Variants in BUB1 observed in about 807,000 individuals in gnomAD.
BUB1 encodes the protein mitotic checkpoint serine/threonine-protein kinase BUB1.
BUB1 carries 84 observed loss-of-function variants against 135.2 expected under a neutral mutation model. That is an observed-to-expected ratio of 0.62 (90% CI 0.52 to 0.74). The LOEUF (loss-of-function observed/expected upper bound fraction) is 0.74, where lower values mean the gene tolerates loss of function less well. BUB1 is among the 30% of genes least tolerant of loss of function. BUB1 has a pLI of 0.00. For missense variants in BUB1, 1,162 were observed against 1,288.3 expected, an observed-to-expected ratio of 0.90 and a Z score of 1.50; for synonymous variants, 403 against 434.4, an observed-to-expected ratio of 0.93 and a Z score of 0.90.
chr2:110,667,646 G>C lies in BUB1; in HGVS notation c.680C>G (p.Ser227Cys). Residue 227 changes from serine to cysteine, a missense_variant, in exon 8 of 25, where the codon TCC becomes TGC. Physicochemically the swap from Ser to Cys is moderately radical, Grantham distance 112. Transcript: ENST00000302759. ...SEYSVHSSLA[S>C]KVDVEQVVMY... is the part of the protein sequence containing the mutation. ...AACAACCTGCTCAACATCAACTTTG[G>C]ATGCCAAAGATGAGTGCACAGAATA... is the stretch of plus-strand genomic sequence containing the variant. 1 of 1,613,902 alleles carries C rather than the reference G, an allele frequency of 6.2e-7. No individual in the cohort carries two copies. Among genetic ancestry groups the C allele is most frequent in the African/African-American group, 1.3e-5 (1 of 75,020 alleles).
intron 1 of BUB1, 129 bp downstream of exon 1, chr2:110,677,841 G>C: frequency 8.9e-7 from 1 of 1,129,320 alleles, no homozygotes; most frequent in Admixed American, 2.9e-5. Flanking sequence ...GGCCTTGCTG[G>C]GTGGGACACA....
chr2:110,643,815 ATTTT>A (rs543112757), intron 19 of BUB1, among the ~76,000 whole-genome samples: 1 of 150,458 alleles, frequency 6.6e-6, no homozygotes, highest in African/African-American at 2.4e-5. Context: ...CACACTAGAA[ATTTT>A]TTTTTTAATT....
chr2:110,675,818 A>T (rs1466891142), intron 1 of BUB1, among the ~76,000 whole-genome samples: 3 of 152,108 alleles, frequency 2.0e-5, no homozygotes, highest in African/African-American at 7.2e-5. Flanking sequence ...TGTCTGGCTA[A>T]TTTTTTATTT....
chr2:110,660,538 G>T (rs1690055179), intron 10 of BUB1, among the ~76,000 whole-genome samples: 1 of 149,096 alleles, frequency 6.7e-6, no homozygotes, highest in South Asian at 2.1e-4. Context: ...TAAATAAACT[G>T]TTTTTTTTTT....
chr2:110,672,741 C>T lies in BUB1; in HGVS notation c.342G>A (p.Glu114=). The change falls in exon 4 of 25, where the codon GAG becomes GAA. Residue 114 remains glutamate (E), a synonymous_variant. Transcript: ENST00000302759. The part of the protein sequence containing the change: ...AWAGHLEAQG[E]LQHASAVLQR... ...GAAGGACAGCACTGGCATGCTGCAGCTCTCCTTGGGCTTCCAGATGCCCCG... is the reference window on the plus strand; with the variant it reads ...GAAGGACAGCACTGGCATGCTGCAGTTCTCCTTGGGCTTCCAGATGCCCCG... 6.2e-7 allele frequency: 1 copy of T among 1,614,144 alleles called. No homozygotes were observed. Among genetic ancestry groups the T allele is most frequent in the Non-Finnish European group, 8.5e-7 (1 of 1,180,004 alleles).
chr2:110,669,730 T>G (rs1690366125), intron 5 of BUB1, among the ~76,000 whole-genome samples, 177 bp from the exon 6 acceptor site: 1 of 152,202 alleles, frequency 6.6e-6, no homozygotes. Flanking sequence ...TATACAATTT[T>G]CTGATCAACT....
Position 110,649,367 on chromosome 2 carries a change from A to G in BUB1, c.2214T>C (p.Val738=), listed in dbSNP as rs748830932. 3 of 1,591,268 alleles carry G rather than the reference A, an allele frequency of 1.9e-6. No individual in the cohort carries two copies. Among genetic ancestry groups the G allele is most frequent in the Non-Finnish European group, 2.6e-6 (3 of 1,171,298 alleles). The part of the protein sequence containing the change: ...LGTVDAPNFI[V]GNPWDDKLIF... ...TCAGCTTATCATCCCATGGGTTCCC[A>G]ACAATGAAGTCTTAAAGGAATGAGA... Residue 738 remains valine (V), a synonymous_variant, in exon 19 of 25, where the codon GTT becomes GTC. Transcript: ENST00000302759.
intron 5 of BUB1, 30 bp downstream of exon 5, chr2:110,670,495 C>G: frequency 6.2e-7 from 1 of 1,611,114 alleles, no homozygotes. Context: ...AAATGGACAA[C>G]AACAGGCATT....
intron 1 of BUB1, among the ~76,000 whole-genome samples, chr2:110,676,087 A>G (rs1690574148): frequency 6.6e-6 from 1 of 152,188 alleles, no homozygotes; most frequent in Admixed American, 6.5e-5. Flanking sequence ...TCTCCATGGC[A>G]AATAACCAAA....
chr2:110,667,714 G>A lies in BUB1; in HGVS notation c.621-9C>T. On this transcript the variant is annotated splice_polypyrimidine_tract_variant and intron_variant, in intron 7 of 24. Transcript: ENST00000302759. ...TGATCACTCTTCGTTCCCTACAATGGGGGAAAATACATTATTTACAACAAT... is the reference window on the plus strand; with the variant it reads ...TGATCACTCTTCGTTCCCTACAATGAGGGAAAATACATTATTTACAACAAT... The A allele has an allele frequency of 6.2e-7, 1 of 1,610,948 alleles. No homozygotes were observed.
In BUB1 at chr2:110,674,148, C is replaced by T. The variant is rs1690507811; in HGVS notation, c.163G>A (p.Glu55Lys). 1.3e-6 allele frequency: 2 copies of T among 1,579,942 alleles called. No homozygotes were observed. Among genetic ancestry groups the T allele is most frequent in the South Asian group, 1.1e-5 (1 of 89,806 alleles). The part of the protein sequence containing the change: ...LITLLEHLMK[E>K]FLDKKKYHND... ...TGGTATTTCTTCTTATCTAAAAATT[C>T]CTTCATTAAATGTTCTAGTAAAGTT... Residue 55 changes from glutamate (E) to lysine (K), a missense_variant, in exon 3 of 25, where the codon GAA becomes AAA. Coordinates refer to ENST00000302759, the MANE Select transcript of BUB1 (RefSeq NM_004336.5).
At chr2:110,649,853 C>G (rs1350346619) in intron 18 of BUB1, among the ~76,000 whole-genome samples, 1 of 152,130 alleles carries the variant, frequency 6.6e-6, no homozygotes, top group Non-Finnish European at 1.5e-5. Flanking sequence ...GAAATAATTT[C>G]TAAAAGTAAG....
Position 110,649,276 on chromosome 2 carries a change from A to C in BUB1, c.2305T>G (p.Cys769Gly). 3 of 1,612,544 alleles carry C rather than the reference A, an allele frequency of 1.9e-6. No individual in the cohort carries two copies. The highest frequency in any genetic ancestry group is 2.5e-6 in the Non-Finnish European group (3 of 1,179,308). ...TTGGGCTTGATGGCTGGAAGTTTACATTGCCATTCAAAAGTATTTGGATAG... is the reference window on the plus strand; with the variant it reads ...TTGGGCTTGATGGCTGGAAGTTTACCTTGCCATTCAAAAGTATTTGGATAG... ...SSYPNTFEWQ[C>G]KLPAIKPKTE... is the part of the protein sequence containing the mutation. The change falls in exon 19 of 25, where the codon TGT becomes GGT. Residue 769 changes from cysteine to glycine, a missense_variant. Cys to Gly is a radical substitution (Grantham distance 159). Coordinates refer to ENST00000302759, the MANE Select transcript of BUB1 (RefSeq NM_004336.5).
chr2:110,654,298 G>A (rs181718100), intron 16 of BUB1, among the ~76,000 whole-genome samples: 242 of 152,068 alleles, frequency 1.6e-3, no homozygotes, highest in African/African-American at 4.9e-3. Context: ...TTATTGAAAC[G>A]ATTTTGTGTT....
chr2:110,649,368 A>G lies in BUB1; in HGVS notation c.2213T>C (p.Val738Ala), dbSNP rs770523067. The G allele has an allele frequency of 1.1e-5, 18 of 1,590,128 alleles. No individual in the cohort carries two copies. The highest frequency in any genetic ancestry group is 7.4e-5 in the Admixed American group (4 of 54,404). The part of the protein sequence containing the change: ...LGTVDAPNFI[V>A]GNPWDDKLIF... ...CAGCTTATCATCCCATGGGTTCCCAACAATGAAGTCTTAAAGGAATGAGAA... is the reference window on the plus strand; with the variant it reads ...CAGCTTATCATCCCATGGGTTCCCAGCAATGAAGTCTTAAAGGAATGAGAA... Residue 738 changes from valine to alanine, a missense_variant, in exon 19 of 25, where the codon GTT becomes GCT. Val to Ala is a moderately conservative substitution (Grantham distance 64, BLOSUM62 0). Transcript: ENST00000302759.
chr2:110,657,629 AG>A lies in BUB1; in HGVS notation c.1532del (p.Ser511LeufsTer112). ...EAQFQKNVRS[S>X]GAWGVNKIIS... The stretch of plus-strand genomic sequence containing the variant: ...TGATCTTATTGACTCCCCAAGCCCC[AG>A]ATGACCTTACATTTTCTGCAACAGA... On this transcript the variant is annotated frameshift_variant, in exon 14 of 25. Coordinates refer to ENST00000302759, the MANE Select transcript of BUB1 (RefSeq NM_004336.5). LOFTEE classifies it high-confidence loss of function. 4 of 1,587,144 alleles carry A rather than the reference AG, an allele frequency of 2.5e-6. No homozygotes were observed. The highest frequency in any genetic ancestry group is 3.4e-6 in the Non-Finnish European group (4 of 1,166,028).
At chr2:110,661,498 C>A (rs1690081384) in intron 10 of BUB1, 84 bp downstream of exon 10, 2 of 1,467,814 alleles carry the variant, frequency 1.4e-6, no homozygotes, top group South Asian at 2.7e-5. Flanking sequence ...CTTTTACATA[C>A]TGTTCCTGAT....
chr2:110,676,581 G>A (rs1045391130), intron 1 of BUB1: 3 of 152,152 alleles, frequency 2.0e-5, no homozygotes, highest in African/African-American at 7.2e-5. Context: ...AACAACCTGT[G>A]TTGACTGCTT....
intron 8 of BUB1, among the ~76,000 whole-genome samples, chr2:110,667,287 G>A (rs747306085): frequency 1.3e-5 from 2 of 152,076 alleles, no homozygotes; most frequent in Non-Finnish European, 1.5e-5. Flanking sequence ...TGCTACACTA[G>A]TGGTTAAGCA....
Sources: gnomAD v4.1 joint callset for allele counts (sites outside exome capture counted in the v4.1 genomes callset) on GRCh38, gnomAD v4.1.1 for gene constraint, MANE v1.5 for transcripts, NCBI Gene and HGNC (gene_info 2026-07-23, HGNC 2026-07-21) for gene names.